DST: variants seen among roughly 807,000 people sequenced by gnomAD.
The protein encoded by DST is dystonin, also known as bullous pemphigoid antigen.
A neutral mutation model predicts 875.2 loss-of-function variants in DST; 253 were observed. That is an observed-to-expected ratio of 0.29 (90% CI 0.26 to 0.32). The LOEUF (loss-of-function observed/expected upper bound fraction) is 0.32. Ranked by LOEUF, DST falls within the 10% of genes least tolerant of loss-of-function variation. DST has a pLI of 1.00. For missense variants in DST, 8,287 were observed against 9,111.6 expected, an observed-to-expected ratio of 0.91 and a Z score of 3.68; for synonymous variants, 3,124 against 3,197.1, an observed-to-expected ratio of 0.98 and a Z score of 0.77.
At chr6:56,953,608 A>C (rs1823503416) in intron 2 of DST, among the ~76,000 whole-genome samples, 177 bp downstream of exon 2, 1 of 152,174 alleles carries the variant, frequency 6.6e-6, no homozygotes, top group Non-Finnish European at 1.5e-5. Flanking sequence ...AATTTGCTAA[A>C]ACCGTTCGCT....
At chr6:56,701,986 G>C in intron 7 of DST, 21 bp from the exon 8 acceptor site, 1 of 1,494,706 alleles carries the variant, frequency 6.7e-7, no homozygotes, top group Non-Finnish European at 9.3e-7. Context: ...AAAAATGCAG[G>C]TATGAAAAAG....
chr6:56,886,072 T>C (rs1784555001), intron 3 of DST, among the ~76,000 whole-genome samples: 1 of 152,186 alleles, frequency 6.6e-6, no homozygotes, highest in African/African-American at 2.4e-5. Context: ...TAGCCTAGGG[T>C]GGCCAACACA....
At chr6:56,941,321 G>A (rs954373090) in intron 2 of DST, among the ~76,000 whole-genome samples, 1 of 152,028 alleles carries the variant, frequency 6.6e-6, no homozygotes, top group Non-Finnish European at 1.5e-5. Flanking sequence ...TTAGAAGAAT[G>A]TTATTTAATT....
At chr6:56,582,224 C>T (rs1304218241) in intron 49 of DST, among the ~76,000 whole-genome samples, 2 of 152,124 alleles carry the variant, frequency 1.3e-5, no homozygotes, top group Admixed American at 6.5e-5. Flanking sequence ...TATTTGTCCC[C>T]GCCCAAATCT....
At chr6:56,950,897 T>A (rs1821952395) in intron 2 of DST, among the ~76,000 whole-genome samples, 1 of 152,202 alleles carries the variant, frequency 6.6e-6, no homozygotes, top group South Asian at 2.1e-4. Context: ...AACATCTATA[T>A]TACTTATTTC....
intron 15 of DST, among the ~76,000 whole-genome samples, chr6:56,643,922 T>A (rs773775944): frequency 5.3e-5 from 8 of 152,216 alleles, no homozygotes; most frequent in Non-Finnish European, 1.0e-4. Flanking sequence ...TTTAGATACA[T>A]AACTCATCTC....
In DST at chr6:56,762,888, T is replaced by A. The variant is rs1329783408; in HGVS notation, c.626-27599A>T. On this transcript the variant is annotated intron_variant, in intron 4 of 103. Coordinates refer to ENST00000680361, the MANE Select transcript of DST (RefSeq NM_001374736.1). ...TTTTTGAGACAGAGTTTCACTCTTG[T>A]TGCCCAGGCTGGAGTGCAACGGCGT... Among the ~76,000 whole-genome samples the A allele has an allele frequency of 4.0e-5, 6 of 149,850 alleles. No homozygotes were observed. The East Asian group carries it at 1.2e-3, about 29-fold the overall frequency.
At chr6:56,953,842 A>G (rs766001929) in intron 1 of DST, 23 bp from the exon 2 acceptor site, 3 of 1,308,150 alleles carry the variant, frequency 2.3e-6, no homozygotes, top group East Asian at 5.4e-5. Flanking sequence ...GAGATAAATG[A>G]GACTTCATTT....
Position 56,482,098 on chromosome 6 carries a change from G to C in DST, c.21483C>G (p.Val7161=), listed in dbSNP as rs1335698806. The C allele has an allele frequency of 6.2e-7, 1 of 1,613,434 alleles. No individual in the cohort carries two copies. Among genetic ancestry groups the C allele is most frequent in the Non-Finnish European group, 8.5e-7 (1 of 1,179,744 alleles). Residue 7161 remains valine, a synonymous_variant, in exon 90 of 104, where the codon GTC becomes GTG. Coordinates refer to ENST00000680361, the MANE Select transcript of DST (RefSeq NM_001374736.1). ...EAEQTLRFHG[V]LPDDEDALRT... ...GGAGAGCATCCTCATCATCTGGGAG[G>C]ACACCATGGAAACGCAGGGTTTGCT... is the stretch of plus-strand genomic sequence containing the variant.
At chr6:56,693,209 T>C in intron 9 of DST, 1 of 1,220,388 alleles carries the variant, frequency 8.2e-7, no homozygotes, top group Non-Finnish European at 1.0e-6. Context: ...AGAGCTTACT[T>C]AGATCCTCTC....
rs1471096761 is a variant in DST, at chr6:56,593,891, G to A, written c.12498C>T (p.Asp4166=). 3 of 1,613,932 alleles carry A rather than the reference G, an allele frequency of 1.9e-6. No individual in the cohort carries two copies. The highest frequency in any genetic ancestry group is 1.1e-5 in the South Asian group (1 of 91,076). The change falls in exon 48 of 104, where the codon GAC becomes GAT. Residue 4166 remains aspartate (D), a synonymous_variant. Coordinates refer to ENST00000680361, the MANE Select transcript of DST (RefSeq NM_001374736.1). ...TCAATTTGGTCATTAAACCATTGAT[G>A]TCATCTGCACCTGCCTCCAGGTTTT... is the stretch of plus-strand genomic sequence containing the variant. The part of the protein sequence containing the change: ...ELENLEAGAD[D]INGLMTKLKR...
At chr6:56,779,330 A>G (rs546884447) in intron 4 of DST, among the ~76,000 whole-genome samples, 3 of 152,132 alleles carry the variant, frequency 2.0e-5, no homozygotes, top group Non-Finnish European at 4.4e-5. Flanking sequence ...CCCATTCTGT[A>G]GGTTGCCTGT....
At chr6:56,629,128 G>A in intron 32 of DST, 122 bp downstream of exon 32, 2 of 913,604 alleles carry the variant, frequency 2.2e-6, no homozygotes, top group South Asian at 1.5e-5. Flanking sequence ...GCTAAGTAGA[G>A]GTATTGTAAT....
rs1364827811 is a variant in DST, at chr6:56,569,967, T to A, written c.13767A>T (p.Gln4589His). ...TSCQEQLDAF[Q>H]VLVKSLKSWI... ...ATGACTTCAATGATTTAACAAGAAC[T>A]TGGAAAGCATCCAACTGTTCTTGAC... Residue 4589 changes from glutamine to histidine, a missense_variant, in exon 54 of 104, where the codon CAA becomes CAT. By Grantham distance (24) the Gln-to-His change is conservative. Around this residue, in one of 10 missense-constraint regions of DST, gnomAD observed 1,513 missense variants for 1,677.8 expected, o/e 0.90. Coordinates refer to ENST00000680361, the MANE Select transcript of DST (RefSeq NM_001374736.1). 1 of 1,608,176 alleles carries A rather than the reference T, an allele frequency of 6.2e-7. No homozygotes were observed. Among genetic ancestry groups the A allele is most frequent in the East Asian group, 2.2e-5 (1 of 44,746 alleles).
intron 3 of DST, among the ~76,000 whole-genome samples, chr6:56,878,727 T>C (rs2127628959): frequency 6.6e-6 from 1 of 152,212 alleles, no homozygotes; most frequent in Non-Finnish European, 1.5e-5. Context: ...TGGCCAATCC[T>C]AGAGCAGTCA....
intron 90 of DST, 23 bp downstream of exon 90, chr6:56,482,027 C>T (rs1216276999): frequency 1.1e-5 from 17 of 1,607,866 alleles, no homozygotes; most frequent in Non-Finnish European, 1.3e-5. Flanking sequence ...TTTAGCTTTA[C>T]ATAGCATTTA....
chr6:56,736,051 C>T (rs965037468), intron 4 of DST, among the ~76,000 whole-genome samples: 1 of 151,348 alleles, frequency 6.6e-6, no homozygotes, highest in Non-Finnish European at 1.5e-5. Flanking sequence ...TTTTTGTTTG[C>T]TTGTTTGTTT....
intron 3 of DST, among the ~76,000 whole-genome samples, chr6:56,855,341 C>G (rs1021855940): frequency 2.6e-5 from 4 of 152,006 alleles, no homozygotes; most frequent in Admixed American, 2.6e-4. Flanking sequence ...AAATAAAGAC[C>G]AAAACACTTC....
intron 4 of DST, among the ~76,000 whole-genome samples, chr6:56,775,540 T>C (rs1299374433): frequency 3.9e-5 from 6 of 152,114 alleles, no homozygotes; most frequent in Non-Finnish European, 2.9e-5. Flanking sequence ...TAGATATTGG[T>C]TTCTAATATC....
Sources: gnomAD v4.1 joint callset for allele counts (sites outside exome capture counted in the v4.1 genomes callset) on GRCh38, gnomAD v4.1.1 for gene constraint, gnomAD v4.1.1 regional missense constraint, MANE v1.5 for transcripts, NCBI Gene and HGNC (gene_info 2026-07-23, HGNC 2026-07-21) for gene names.